Variants in LOC128125817 observed in about 807,000 individuals in gnomAD.
At chr1:41,620,409 T>C in the LOC128125817 span, among the ~76,000 whole-genome samples, 1 of 152,190 alleles carries the variant, frequency 6.6e-6, no homozygotes, top group Admixed American at 6.5e-5. Flanking sequence ...GATTTGGCTG[T>C]TCAAATCTCC....
chr1:41,607,341 C>T, the LOC128125817 span, among the ~76,000 whole-genome samples: 15 of 152,154 alleles, frequency 9.9e-5, no homozygotes, highest in Non-Finnish European at 1.6e-4. Flanking sequence ...CCAATCTGGT[C>T]TTCATGCATA....
the LOC128125817 span, among the ~76,000 whole-genome samples, chr1:41,586,134 C>A: frequency 6.6e-6 from 1 of 152,168 alleles, no homozygotes; most frequent in Non-Finnish European, 1.5e-5. Context: ...CCAGTCAGTG[C>A]CCTGGGGATG....
chr1:41,598,806 G>GTTAT, the LOC128125817 span, among the ~76,000 whole-genome samples: 103,996 of 146,934 alleles, frequency 0.71, 37,269 homozygotes, highest in Non-Finnish European at 0.79. Context: ...GTCACATGAT[G>GTTAT]TTATTTATTT....
the LOC128125817 span, among the ~76,000 whole-genome samples, chr1:41,625,178 A>G: frequency 1.3e-5 from 2 of 149,394 alleles, no homozygotes; most frequent in Non-Finnish European, 3.0e-5. Context: ...AAAAAAAAAA[A>G]AAAAAAAAAA....
chr1:41,619,181 C>G, the LOC128125817 span, among the ~76,000 whole-genome samples: 5 of 152,200 alleles, frequency 3.3e-5, no homozygotes, highest in Non-Finnish European at 7.3e-5. Flanking sequence ...TTGCTGTTCC[C>G]AGCAGGCTGA....
the LOC128125817 span, among the ~76,000 whole-genome samples, chr1:41,615,365 C>A: frequency 6.6e-6 from 1 of 152,188 alleles, no homozygotes; most frequent in Non-Finnish European, 1.5e-5. Flanking sequence ...ACTGGGGCTG[C>A]CCCCCATCTC....
At chr1:41,626,242 T>C in the LOC128125817 span, among the ~76,000 whole-genome samples, 4 of 152,208 alleles carry the variant, frequency 2.6e-5, no homozygotes, top group African/African-American at 9.6e-5. Flanking sequence ...TCGGATGCCA[T>C]ATATCCCAGC....
chr1:41,618,589 T>C, the LOC128125817 span, among the ~76,000 whole-genome samples: 1 of 152,116 alleles, frequency 6.6e-6, no homozygotes, highest in Non-Finnish European at 1.5e-5. Context: ...TCCCGTTCTT[T>C]CCCTTTCGGT....
the LOC128125817 span, among the ~76,000 whole-genome samples, chr1:41,586,998 T>C: frequency 5.6e-4 from 85 of 152,226 alleles, no homozygotes; most frequent in African/African-American, 2.0e-3. Flanking sequence ...TAAGGACTTA[T>C]GGTGTTTCTA....
the LOC128125817 span, among the ~76,000 whole-genome samples, chr1:41,611,790 C>A: frequency 6.6e-6 from 1 of 152,186 alleles, no homozygotes; most frequent in Non-Finnish European, 1.5e-5. Context: ...GATTCCATAT[C>A]GGAAAAATAT....
the LOC128125817 span, among the ~76,000 whole-genome samples, chr1:41,592,840 C>A: frequency 6.6e-6 from 1 of 152,198 alleles, no homozygotes; most frequent in Non-Finnish European, 1.5e-5. Context: ...GGGTTCTGTG[C>A]AGAGAAAACT....
chr1:41,621,785 T>C, the LOC128125817 span, among the ~76,000 whole-genome samples: 1 of 152,200 alleles, frequency 6.6e-6, no homozygotes, highest in African/African-American at 2.4e-5. Flanking sequence ...CCCAAGTAGC[T>C]GGGATTACAG....
the LOC128125817 span, among the ~76,000 whole-genome samples, chr1:41,622,425 A>G: frequency 6.6e-6 from 1 of 152,206 alleles, no homozygotes; most frequent in Non-Finnish European, 1.5e-5. Context: ...TAACGGGAAC[A>G]GGCTGAACTG....
At chr1:41,599,608 C>T in the LOC128125817 span, among the ~76,000 whole-genome samples, 1 of 152,116 alleles carries the variant, frequency 6.6e-6, no homozygotes, top group Non-Finnish European at 1.5e-5. Context: ...GACCTAAACT[C>T]AGAGATAAAA....
chr1:41,597,353 T>C, the LOC128125817 span, among the ~76,000 whole-genome samples: 1 of 152,302 alleles, frequency 6.6e-6, no homozygotes, highest in African/African-American at 2.4e-5. Context: ...CTGCCAGACT[T>C]GCAGAGGCCC....
chr1:41,628,789 G>A, the LOC128125817 span: 1,098 of 1,232,082 alleles, frequency 8.9e-4, 10 homozygotes, highest in African/African-American at 0.016. Flanking sequence ...AAACTGAAAC[G>A]CTGTTCTCTC....
the LOC128125817 span, among the ~76,000 whole-genome samples, chr1:41,599,447 AC>A: frequency 2.6e-5 from 4 of 152,246 alleles, no homozygotes; most frequent in East Asian, 7.7e-4. Flanking sequence ...CTTCTGTTCA[AC>A]AAAGACTCTA....
the LOC128125817 span, chr1:41,585,452 G>C: frequency 2.5e-6 from 1 of 397,326 alleles, no homozygotes; most frequent in Non-Finnish European, 4.4e-6. Context: ...AAGTTAACCA[G>C]GGAAACTCAA....
the LOC128125817 span, among the ~76,000 whole-genome samples, chr1:41,610,853 T>C: frequency 1.3e-5 from 2 of 152,234 alleles, no homozygotes; most frequent in Non-Finnish European, 2.9e-5. Context: ...TTTGTGTGCC[T>C]GAGGGGAGCA....
Sources: gnomAD v4.1 joint callset for allele counts (sites outside exome capture counted in the v4.1 genomes callset) on GRCh38, gnomAD v4.1.1 for gene constraint, MANE v1.5 for transcripts.